Variants in USO1 observed in about 807,000 individuals in gnomAD.
USO1 encodes the protein USO1 vesicle transport factor, also known as general vesicular transport factor p115.
A neutral mutation model predicts 124.5 loss-of-function variants in USO1; 57 were observed. The ratio of observed to expected loss-of-function variants is 0.46; its 90% confidence interval spans 0.37 to 0.57. The LOEUF is 0.57. USO1 is among the 20% of genes least tolerant of loss of function. The pLI is 0.00. For synonymous variants in USO1, 369 were observed against 362.8 expected, an observed-to-expected ratio of 1.02 and a Z score of -0.19; for missense variants, 900 against 1,040.6, an observed-to-expected ratio of 0.86 and a Z score of 1.86.
intron 13 of USO1, among the ~76,000 whole-genome samples, chr4:75,797,274 G>A (rs932240564): frequency 2.0e-5 from 3 of 150,936 alleles, no homozygotes; most frequent in African/African-American, 7.3e-5. Flanking sequence ...TTTTCTCAGC[G>A]AACTGTATGA....
At chr4:75,739,930 G>GA (rs1233937322) in intron 1 of USO1, among the ~76,000 whole-genome samples, 1 of 152,202 alleles carries the variant, frequency 6.6e-6, no homozygotes, top group African/African-American at 2.4e-5. Context: ...CAAGAAGGCT[G>GA]TGATGTTCCT....
At position 75,790,177 on chromosome 4, in the gene USO1, C is replaced by A; in HGVS notation, c.1024C>A (p.Arg342=). 1 of 1,603,552 alleles carries A rather than the reference C, an allele frequency of 6.2e-7. No individual in the cohort carries two copies. Among genetic ancestry groups the A allele is most frequent in the South Asian group, 1.1e-5 (1 of 88,752 alleles). The change falls in exon 11 of 24, where the codon CGA becomes AGA. Residue 342 remains arginine (R), a synonymous_variant. Coordinates refer to ENST00000514213, the MANE Select transcript of USO1 (RefSeq NM_003715.4). Reference sequence around the variant, plus strand: ...CATAAATACTGTATCAGAAGTTATTCGAGGCTGCCAAGTAAACCAAGACTA... The same window carrying A: ...CATAAATACTGTATCAGAAGTTATTAGAGGCTGCCAAGTAAACCAAGACTA... ...ETINTVSEVI[R]GCQVNQDYFA...
intron 7 of USO1, among the ~76,000 whole-genome samples, chr4:75,771,831 A>G (rs1293755272): frequency 2.0e-5 from 3 of 152,188 alleles, no homozygotes; most frequent in African/African-American, 7.2e-5. Flanking sequence ...CTCTATTGTT[A>G]CCTACAACTT....
intron 8 of USO1, among the ~76,000 whole-genome samples, chr4:75,776,475 C>T (rs1722074845): frequency 6.6e-6 from 1 of 151,970 alleles, no homozygotes; most frequent in Non-Finnish European, 1.5e-5. Flanking sequence ...CAGAGATGAC[C>T]AGAGAGGTGT....
At chr4:75,748,094 A>G (rs1361480474) in intron 1 of USO1, among the ~76,000 whole-genome samples, 1 of 150,718 alleles carries the variant, frequency 6.6e-6, no homozygotes, top group Non-Finnish European at 1.5e-5. Flanking sequence ...TTCAGTAGAG[A>G]CGGGGTTTCT....
chr4:75,747,427 ACCACGC>A (rs1721156380), intron 1 of USO1, among the ~76,000 whole-genome samples: 1 of 151,802 alleles, frequency 6.6e-6, no homozygotes, highest in Non-Finnish European at 1.5e-5. Context: ...CAAACATACC[ACCACGC>A]CCACTTAATT....
chr4:75,795,327 A>G (rs911891554), intron 13 of USO1: 1 of 702,388 alleles, frequency 1.4e-6, no homozygotes, highest in Non-Finnish European at 2.6e-6. Flanking sequence ...TGTAATGTAT[A>G]ATTTGCAGGG....
intron 1 of USO1, among the ~76,000 whole-genome samples, chr4:75,749,481 AC>A (rs1375897079): frequency 1.3e-3 from 1 of 778 alleles, no homozygotes; most frequent in Non-Finnish European, 2.1e-3. Context: ...GCTTGCTGCA[AC>A]CTCTTAACTT....
chr4:75,804,767 T>A (rs548215955), intron 18 of USO1, among the ~76,000 whole-genome samples: 48 of 152,362 alleles, frequency 3.2e-4, no homozygotes, highest in Non-Finnish European at 5.4e-4. Flanking sequence ...ATTTAAGTTG[T>A]GCCTGGAAAA....
chr4:75,741,157 G>A (rs576307221), intron 1 of USO1, among the ~76,000 whole-genome samples: 2 of 152,118 alleles, frequency 1.3e-5, no homozygotes, highest in African/African-American at 2.4e-5. Flanking sequence ...CCTGTACAGC[G>A]TGTTACTGTA....
At chr4:75,801,274 T>C (rs1722843899) in intron 17 of USO1, 74 bp downstream of exon 17, 3 of 1,428,360 alleles carry the variant, frequency 2.1e-6, no homozygotes, top group Admixed American at 2.7e-5. Flanking sequence ...CCTTTTTTTC[T>C]GACATTTCAA....
At chr4:75,813,113 G>GA (rs994169693) in intron 23 of USO1, 93 bp from the exon 24 acceptor site, 72,892 of 915,432 alleles carry the variant, frequency 0.08, no homozygotes, top group South Asian at 0.087. Flanking sequence ...CTCCATCTCA[G>GA]AAAAAAAAAA....
chr4:75,737,384 G>A (rs1168632368), intron 1 of USO1, among the ~76,000 whole-genome samples: 2 of 152,100 alleles, frequency 1.3e-5, no homozygotes, highest in East Asian at 3.8e-4. Flanking sequence ...TTTGAAATCA[G>A]GATACATCTT....
At chr4:75,750,152 G>A (rs1244052714) in intron 1 of USO1, among the ~76,000 whole-genome samples, 1 of 152,164 alleles carries the variant, frequency 6.6e-6, no homozygotes, top group Non-Finnish European at 1.5e-5. Flanking sequence ...GCAGAAGTGG[G>A]GTTGGGTGCA....
At chr4:75,778,486 T>C (rs1460058689) in intron 8 of USO1, among the ~76,000 whole-genome samples, 2 of 152,264 alleles carry the variant, frequency 1.3e-5, no homozygotes, top group East Asian at 1.9e-4. Flanking sequence ...AGAAAACATA[T>C]ATATAAGTGG....
rs142315414 is a variant in USO1 at position 75,795,562 on chromosome 4, G to A, written c.1452+1661G>A. On this transcript the variant is annotated intron_variant, in intron 13 of 23. Coordinates refer to ENST00000514213, the MANE Select transcript of USO1 (RefSeq NM_003715.4). ...TATTGTATTGGTGTTACTAAACACT[G>A]TGGGAATGAGAATCTGAATCTATAC... Among the ~76,000 whole-genome samples the A allele has an allele frequency of 3.3e-5, 5 of 152,218 alleles. No homozygotes were observed. In the East Asian group the frequency reaches 9.7e-4, roughly 29 times the overall value.
Position 75,733,430 on chromosome 4 carries a change from A to G in USO1, c.66+8545A>G, listed in dbSNP as rs565665039. Among the ~76,000 whole-genome samples, 3 of 152,318 alleles carry G rather than the reference A, an allele frequency of 2.0e-5. No individual in the cohort carries two copies. In the East Asian group the frequency reaches 5.8e-4, roughly 29 times the overall value. ...CTGAACTAAAATTACATTCCCACCA[A>G]CAGTATATAGCATTCCCTTTTCTCT... On this transcript the variant is annotated intron_variant, in intron 1 of 23. Coordinates refer to ENST00000514213, the MANE Select transcript of USO1 (RefSeq NM_003715.4).
intron 13 of USO1, among the ~76,000 whole-genome samples, 162 bp downstream of exon 13, chr4:75,794,063 ATACTCT>A (rs1722607042): frequency 6.6e-6 from 1 of 152,250 alleles, no homozygotes; most frequent in East Asian, 1.9e-4. Context: ...AAAGCAATAA[ATACTCT>A]TAGAGGAATA....
intron 22 of USO1, among the ~76,000 whole-genome samples, chr4:75,810,929 C>CCACGT (rs1480983790): frequency 2.6e-5 from 4 of 152,034 alleles, no homozygotes; most frequent in Non-Finnish European, 5.9e-5. Flanking sequence ...CAGGGTTTCA[C>CCACGT]CACGTTGGCC....
Sources: gnomAD v4.1 joint callset for allele counts (sites outside exome capture counted in the v4.1 genomes callset) on GRCh38, gnomAD v4.1.1 for gene constraint, MANE v1.5 for transcripts, NCBI Gene and HGNC (gene_info 2026-07-23, HGNC 2026-07-21) for gene names.